Variants in FAM241A observed in about 807,000 individuals in gnomAD.
FAM241A encodes the protein family with sequence similarity 241 member A, also known as uncharacterized protein FAM241A.
A neutral mutation model predicts 12.2 loss-of-function variants in FAM241A; 7 were observed. The ratio of observed to expected loss-of-function variants is 0.58; its 90% CI spans 0.33 to 1.08. The LOEUF (loss-of-function observed/expected upper bound fraction) is 1.08, where lower values mean the gene tolerates loss of function less well. Among genes scored for constraint, FAM241A ranks in the 50% least tolerant of loss-of-function variants. The pLI is 0.04. For missense variants in FAM241A, 161 were observed against 169.7 expected, an observed-to-expected ratio of 0.95 and a Z score of 0.29; for synonymous variants, 74 against 68.2, an observed-to-expected ratio of 1.08 and a Z score of -0.42.
chr4:112,185,605 C>T (rs1578380710), intron 1 of FAM241A, among the ~76,000 whole-genome samples: 1 of 152,302 alleles, frequency 6.6e-6, no homozygotes, highest in East Asian at 1.9e-4. Context: ...AAAAGGCCCC[C>T]ATGGAACTGA....
rs1724178573 is a variant in FAM241A, at chr4:112,192,132, T to C, written c.*5194T>C. 6.6e-6 allele frequency: 1 copy of C among 152,182 alleles called. No homozygotes were observed. Among genetic ancestry groups the C allele is most frequent in the African/African-American group, 2.4e-5 (1 of 41,418 alleles). The allele number at this position is 152,182 out of a possible 1,614,324, so 9.4% of individuals were successfully genotyped here. Reference sequence around the variant, plus strand: ...AAGCTATTCACTTCTGATAAAAGAATACTGCTGTTATTTGGATACATACAC... The same window carrying C: ...AAGCTATTCACTTCTGATAAAAGAACACTGCTGTTATTTGGATACATACAC... On this transcript the variant is annotated 3_prime_UTR_variant, in exon 2 of 2. Transcript: ENST00000309733.
In FAM241A at chr4:112,191,543, C is replaced by G. The variant is rs1378919347; in HGVS notation, c.*4605C>G. On this transcript the variant is annotated 3_prime_UTR_variant, in exon 2 of 2. Coordinates refer to ENST00000309733, the MANE Select transcript of FAM241A (RefSeq NM_152400.3). ...ACTGCCACTCTCCATTTCCAGGATTCAACTATACTGAACTTTTCCCCAGTT... is the reference window on the plus strand; with the variant it reads ...ACTGCCACTCTCCATTTCCAGGATTGAACTATACTGAACTTTTCCCCAGTT... 2 of 152,242 alleles carry G rather than the reference C, an allele frequency of 1.3e-5. No individual in the cohort carries two copies. Among genetic ancestry groups the G allele is most frequent in the Non-Finnish European group, 2.9e-5 (2 of 68,064 alleles). 9.4% of individuals were successfully genotyped at this position (152,242 alleles called of 1,614,324 possible).
At chr4:112,157,508 G>A (rs1267471532) in intron 1 of FAM241A, among the ~76,000 whole-genome samples, 1 of 151,966 alleles carries the variant, frequency 6.6e-6, no homozygotes, top group African/African-American at 2.4e-5. Context: ...ATTAATTTCT[G>A]GATAGCAGGG....
At chr4:112,170,474 CTT>C (rs1438360896) in intron 1 of FAM241A, among the ~76,000 whole-genome samples, 4 of 152,170 alleles carry the variant, frequency 2.6e-5, no homozygotes, top group Non-Finnish European at 4.4e-5. Context: ...TGTGGTCTCT[CTT>C]TCTCTCAAAA....
chr4:112,178,090 C>G (rs1723859100), intron 1 of FAM241A, among the ~76,000 whole-genome samples: 1 of 151,896 alleles, frequency 6.6e-6, no homozygotes, highest in Non-Finnish European at 1.5e-5. Flanking sequence ...CCCTTAATAC[C>G]CTTAGTGGGT....
intron 1 of FAM241A, among the ~76,000 whole-genome samples, chr4:112,183,831 G>A (rs79297455): frequency 0.01 from 1,531 of 152,138 alleles, 30 homozygotes; most frequent in African/African-American, 0.035. Context: ...GACTCTTCAA[G>A]TTCTACCCTA....
chr4:112,171,125 T>A (rs1723709839), intron 1 of FAM241A: 1 of 408,196 alleles, frequency 2.4e-6, no homozygotes, highest in Non-Finnish European at 4.6e-6. Flanking sequence ...AAGAAACTGT[T>A]ATTGTACAGG....
intron 1 of FAM241A, among the ~76,000 whole-genome samples, chr4:112,158,286 AT>A (rs1361644548): frequency 3.9e-5 from 6 of 152,128 alleles, no homozygotes; most frequent in African/African-American, 1.4e-4. Context: ...TGCTCTAACA[AT>A]CTTGCCATAT....
intron 1 of FAM241A, among the ~76,000 whole-genome samples, chr4:112,173,593 A>G (rs143117963): frequency 6.6e-6 from 1 of 152,282 alleles, no homozygotes; most frequent in East Asian, 1.9e-4. Context: ...TTTAACTTCA[A>G]ATATATATTT....
intron 1 of FAM241A, among the ~76,000 whole-genome samples, chr4:112,152,674 A>G (rs1723267826): frequency 6.6e-6 from 1 of 151,886 alleles, no homozygotes; most frequent in South Asian, 2.1e-4. Flanking sequence ...CATCTCAACC[A>G]CTTTCTCTTC....
At chr4:112,151,250 T>G (rs1416949752) in intron 1 of FAM241A, among the ~76,000 whole-genome samples, 2 of 152,074 alleles carry the variant, frequency 1.3e-5, no homozygotes, top group South Asian at 2.1e-4. Flanking sequence ...TCCCTCTCTC[T>G]CCTTCCCTCC....
chr4:112,181,240 T>A (rs1240938294), intron 1 of FAM241A, among the ~76,000 whole-genome samples: 1 of 152,018 alleles, frequency 6.6e-6, no homozygotes, highest in Non-Finnish European at 1.5e-5. Flanking sequence ...ACAGAAATAC[T>A]GCTAATCCCA....
intron 1 of FAM241A, among the ~76,000 whole-genome samples, chr4:112,147,935 C>T (rs1723173284): frequency 6.6e-6 from 1 of 151,990 alleles, no homozygotes; most frequent in South Asian, 2.1e-4. Flanking sequence ...TCATGGATAG[C>T]CTCATGGGTA....
chr4:112,182,354 T>C (rs1471299670), intron 1 of FAM241A, among the ~76,000 whole-genome samples: 1 of 152,228 alleles, frequency 6.6e-6, no homozygotes, highest in East Asian at 1.9e-4. Flanking sequence ...TGTTGTTACT[T>C]GTAGTAGTTT....
intron 1 of FAM241A, among the ~76,000 whole-genome samples, chr4:112,160,152 A>C (rs1723433006): frequency 6.6e-6 from 1 of 152,202 alleles, no homozygotes; most frequent in African/African-American, 2.4e-5. Flanking sequence ...CATGCCTATA[A>C]TCCCAGCACT....
chr4:112,146,931 C>G (rs1387055507), intron 1 of FAM241A, among the ~76,000 whole-genome samples: 2 of 152,106 alleles, frequency 1.3e-5, no homozygotes, highest in Non-Finnish European at 2.9e-5. Flanking sequence ...TGGTTTTTCC[C>G]GTTAACTATT....
intron 1 of FAM241A, among the ~76,000 whole-genome samples, chr4:112,155,303 C>A (rs1042366649): frequency 6.6e-6 from 1 of 151,922 alleles, no homozygotes; most frequent in African/African-American, 2.4e-5. Context: ...TATTGAAGCC[C>A]GGTAGTTAAA....
intron 1 of FAM241A, among the ~76,000 whole-genome samples, chr4:112,153,585 C>T (rs1374817924): frequency 1.3e-5 from 2 of 152,202 alleles, no homozygotes; most frequent in East Asian, 3.9e-4. Context: ...GCAGATAAAC[C>T]GAGTTTCTAA....
At chr4:112,164,126 A>T (rs1219503439) in intron 1 of FAM241A, among the ~76,000 whole-genome samples, 2 of 133,764 alleles carry the variant, frequency 1.5e-5, no homozygotes, top group Admixed American at 7.6e-5. Context: ...GGGTGGGGGG[A>T]AGGGGAAGGG....
Sources: allele counts gnomAD v4.1 joint callset (sites outside exome capture counted in the v4.1 genomes callset), GRCh38; gene constraint gnomAD v4.1.1; transcripts MANE v1.5; gene names NCBI Gene and HGNC (gene_info 2026-07-23, HGNC 2026-07-21).